Variants in CORO2B observed in about 807,000 individuals in gnomAD.
CORO2B encodes coronin 2B.
A neutral mutation model predicts 58.8 loss-of-function variants in CORO2B; 26 were observed. That is an observed-to-expected ratio of 0.44 (90% confidence interval 0.32 to 0.61). The LOEUF (loss-of-function observed/expected upper bound fraction) is 0.61. Ranked by LOEUF, CORO2B falls within the 20% of genes least tolerant of loss-of-function variation. CORO2B has a pLI of 0.04. For missense variants in CORO2B, 460 were observed against 645.1 expected, an observed-to-expected ratio of 0.71 and a Z score of 3.11; for synonymous variants, 242 against 253.8, an observed-to-expected ratio of 0.95 and a Z score of 0.44.
chr15:68,708,357 C>CTTTTTTTTTTTTT (rs921103212), intron 3 of CORO2B, among the ~76,000 whole-genome samples: 8 of 114,964 alleles, frequency 7.0e-5, no homozygotes, highest in African/African-American at 9.3e-5. Context: ...TTTTTTTCTT[C>CTTTTTTTTTTTTT]TTTTTTTTTT....
rs74020290 is a variant in CORO2B, at chr15:68,712,131, C to T, written c.648+425C>T. On this transcript the variant is annotated intron_variant, in intron 5 of 11. Coordinates refer to ENST00000261861, the MANE Select transcript of CORO2B (RefSeq NM_006091.5). ...CCAAGGCTGATGGTGAACTTAGCTCCACTTTTGGTCTTTGAATCTCCTGGG... is the reference window on the plus strand; with the variant it reads ...CCAAGGCTGATGGTGAACTTAGCTCTACTTTTGGTCTTTGAATCTCCTGGG... Among the ~76,000 whole-genome samples the T allele has an allele frequency of 5.2e-3, 796 of 152,244 alleles. 3 individuals carry two copies. Among genetic ancestry groups the T allele is most frequent in the African/African-American group, 0.018 (742 of 41,548 alleles).
chr15:68,548,301 G>A, the CORO2B span, among the ~76,000 whole-genome samples: 9 of 151,152 alleles, frequency 6.0e-5, no homozygotes, highest in South Asian at 8.4e-4. Context: ...CATTTTGTTC[G>A]CCTGTTCTTC....
intron 2 of CORO2B, among the ~76,000 whole-genome samples, chr15:68,680,348 A>G (rs1902740243): frequency 6.6e-6 from 1 of 152,204 alleles, no homozygotes; most frequent in Admixed American, 6.5e-5. Context: ...TATCTCATTT[A>G]AGATGAAAGT....
At chr15:68,624,433 A>G (rs1900620537) in intron 1 of CORO2B, among the ~76,000 whole-genome samples, 1 of 152,204 alleles carries the variant, frequency 6.6e-6, no homozygotes, top group Non-Finnish European at 1.5e-5. Context: ...ACGACTACCA[A>G]CACAAATAAC....
At chr15:68,654,975 T>A (rs1901758963) in intron 2 of CORO2B, among the ~76,000 whole-genome samples, 1 of 152,088 alleles carries the variant, frequency 6.6e-6, no homozygotes, top group Non-Finnish European at 1.5e-5. Context: ...GGTACAGGGA[T>A]GGTGGTGCAG....
At chr15:68,669,583 C>T (rs1902316211) in intron 2 of CORO2B, among the ~76,000 whole-genome samples, 1 of 152,124 alleles carries the variant, frequency 6.6e-6, no homozygotes, top group South Asian at 2.1e-4. Flanking sequence ...TTTGGCCTCA[C>T]TTTCGTTGAG....
intron 3 of CORO2B, among the ~76,000 whole-genome samples, chr15:68,701,451 A>C (rs1892643686): frequency 7.3e-6 from 1 of 136,726 alleles, no homozygotes; most frequent in African/African-American, 2.7e-5. Context: ...AGCTGGGACT[A>C]CAGGCGCCTG....
chr15:68,591,838 C>T (rs566498123), intron 1 of CORO2B, among the ~76,000 whole-genome samples: 1 of 152,254 alleles, frequency 6.6e-6, no homozygotes, highest in South Asian at 2.1e-4. Context: ...CCAGAAGTTT[C>T]CTTCTAGGAA....
chr15:68,726,026 C>T lies in CORO2B; in HGVS notation c.*52C>T. ...CGATCTCTCCGTCGTTTCTACTCAT[C>T]CCTTAACTTCTCCCTTACCAGTGAC... On this transcript the variant is annotated 3_prime_UTR_variant, in exon 12 of 12. Coordinates refer to ENST00000261861, the MANE Select transcript of CORO2B (RefSeq NM_006091.5). The T allele has an allele frequency of 6.2e-7, 1 of 1,602,882 alleles. No homozygotes were observed. Among genetic ancestry groups the T allele is most frequent in the Non-Finnish European group, 8.5e-7 (1 of 1,178,424 alleles).
the CORO2B span, among the ~76,000 whole-genome samples, chr15:68,568,104 C>A: frequency 6.6e-6 from 1 of 152,184 alleles, no homozygotes; most frequent in East Asian, 1.9e-4. Flanking sequence ...GCAATGGGGC[C>A]ACCCCCTGGG....
At chr15:68,706,437 C>T (rs1892787519) in intron 3 of CORO2B, among the ~76,000 whole-genome samples, 1 of 152,172 alleles carries the variant, frequency 6.6e-6, no homozygotes, top group South Asian at 2.1e-4. Flanking sequence ...TGGGCAAGTT[C>T]AACACCACAC....
At chr15:68,694,635 C>T (rs1482399888) in intron 2 of CORO2B, among the ~76,000 whole-genome samples, 1 of 152,162 alleles carries the variant, frequency 6.6e-6, no homozygotes, top group Non-Finnish European at 1.5e-5. Flanking sequence ...ACTCCCAGAG[C>T]AGCAGGAAAG....
rs1296135715 is a variant in CORO2B at position 68,579,211 on chromosome 15, C to T, written c.-52C>T. ...TTCCGCCGCCGCCCCGGGCCGCCGC[C>T]GCCGCCCCCGCACGCCGCGCCCGCG... On this transcript the variant is annotated 5_prime_UTR_variant, in exon 1 of 12. Coordinates refer to ENST00000261861, the MANE Select transcript of CORO2B (RefSeq NM_006091.5). 5 of 1,024,930 alleles carry T rather than the reference C, an allele frequency of 4.9e-6. No homozygotes were observed. The highest frequency in any genetic ancestry group is 5.8e-6 in the Non-Finnish European group (5 of 857,480). The allele number at this position is 1,024,930 out of a possible 1,614,324, so 63.5% of individuals were successfully genotyped here.
chr15:68,651,458 C>T (rs2140278370), intron 2 of CORO2B, among the ~76,000 whole-genome samples: 1 of 152,310 alleles, frequency 6.6e-6, no homozygotes, highest in African/African-American at 2.4e-5. Context: ...AGTTTTCACC[C>T]CCTCAGTTTG....
the CORO2B span, among the ~76,000 whole-genome samples, chr15:68,554,583 G>A: frequency 4.6e-5 from 7 of 152,162 alleles, no homozygotes; most frequent in Non-Finnish European, 8.8e-5. Context: ...CATGTGCCGA[G>A]TAACAGCCCC....
At chr15:68,535,222 G>A in the CORO2B span, among the ~76,000 whole-genome samples, 1 of 152,182 alleles carries the variant, frequency 6.6e-6, no homozygotes, top group African/African-American at 2.4e-5. Context: ...TGATCCCAAA[G>A]GTAGAGGCCT....
chr15:68,607,905 C>A (rs79890536), intron 1 of CORO2B, among the ~76,000 whole-genome samples: 119 of 152,208 alleles, frequency 7.8e-4, no homozygotes, highest in East Asian at 4.6e-3. Flanking sequence ...GGAACAGATG[C>A]CATGTGACAA....
At position 68,702,651 on chromosome 15, in the gene CORO2B, C is replaced by A. The variant is rs1892679330; in HGVS notation, c.333+7395C>A. Among the ~76,000 whole-genome samples the A allele has an allele frequency of 2.0e-5, 3 of 152,026 alleles. No homozygotes were observed. In the South Asian group the frequency reaches 6.3e-4, roughly 32 times the overall value. The stretch of plus-strand genomic sequence containing the variant: ...CTCCTGGCCCCTAAGCAAACACCTT[C>A]AGCTTTTCTCTTCACTGCAGGAGAC... On this transcript the variant is annotated intron_variant, in intron 3 of 11. Transcript: ENST00000261861.
chr15:68,587,741 G>T (rs1174634890), intron 1 of CORO2B, among the ~76,000 whole-genome samples: 1 of 152,218 alleles, frequency 6.6e-6, no homozygotes, highest in Non-Finnish European at 1.5e-5. Flanking sequence ...AGCCTATGAA[G>T]TCTGTGCTAT....
Sources: gnomAD v4.1 joint callset for allele counts (sites outside exome capture counted in the v4.1 genomes callset) on GRCh38, gnomAD v4.1.1 for gene constraint, MANE v1.5 for transcripts, NCBI Gene and HGNC (gene_info 2026-07-23, HGNC 2026-07-21) for gene names.